Variants in ABI2 observed in about 807,000 individuals in gnomAD.
ABI2 encodes abl interactor 2.
Under a neutral mutation model 59.2 loss-of-function variants are expected in ABI2, and 25 were observed. That is an observed-to-expected ratio of 0.42 (90% confidence interval 0.31 to 0.59). The LOEUF (loss-of-function observed/expected upper bound fraction) is 0.59, where lower values mean the gene tolerates loss of function less well. Ranked by LOEUF, ABI2 falls within the 20% of genes least tolerant of loss-of-function variation. The pLI is 0.14. For synonymous variants in ABI2, 213 were observed against 235.5 expected, an observed-to-expected ratio of 0.90 and a Z score of 0.87; for missense variants, 545 against 681.8, an observed-to-expected ratio of 0.80 and a Z score of 2.23.
chr2:203,399,492 T>G (rs1243546108), intron 8 of ABI2, among the ~76,000 whole-genome samples: 1 of 152,134 alleles, frequency 6.6e-6, no homozygotes, highest in Non-Finnish European at 1.5e-5. Context: ...GTGATTCGTT[T>G]GCTTATTTTC....
chr2:203,395,629 A>T, intron 6 of ABI2, 27 bp from the exon 7 acceptor site: 2 of 1,597,734 alleles, frequency 1.3e-6, no homozygotes, highest in Non-Finnish European at 1.7e-6. Flanking sequence ...ATAAATACTC[A>T]TGTTTTGGTG....
At chr2:203,378,654 T>C (rs1294657954) in intron 2 of ABI2, among the ~76,000 whole-genome samples, 1 of 152,190 alleles carries the variant, frequency 6.6e-6, no homozygotes, top group African/African-American at 2.4e-5. Context: ...TATAATGTCA[T>C]GATGATTATC....
At chr2:203,419,032 T>C (rs968814741) in intron 11 of ABI2, among the ~76,000 whole-genome samples, 3 of 151,784 alleles carry the variant, frequency 2.0e-5, no homozygotes, top group East Asian at 3.9e-4. Flanking sequence ...TTGAGCAAAA[T>C]CTTCAAAGTA....
intron 1 of ABI2, 56 bp downstream of exon 1, chr2:203,328,687 G>C: frequency 7.7e-7 from 1 of 1,293,292 alleles, no homozygotes; most frequent in Non-Finnish European, 1.0e-6. Context: ...GGGGCCGCGC[G>C]CCTCGGGGCG....
rs1559289287 is a variant in ABI2 at position 203,384,300 on chromosome 2, T to TGTTTTTGTTTG, written c.480+2094_480+2095insGTTTTTGTTTG. Among the ~76,000 whole-genome samples, 14 of 102,456 alleles carry TGTTTTTGTTTG rather than the reference T, an allele frequency of 1.4e-4. 1 individual carries two copies. Among genetic ancestry groups the TGTTTTTGTTTG allele is most frequent in the African/African-American group, 5.1e-4 (14 of 27,690 alleles). 67.2% of individuals were successfully genotyped at this position (102,456 alleles called of 152,430 possible). A position where few individuals can be genotyped will look rare whatever the true frequency, so the allele number is the denominator to read the frequency against. On this transcript the variant is annotated intron_variant, in intron 4 of 11. Coordinates refer to ENST00000261018, the MANE Select transcript of ABI2 (RefSeq NM_001375670.1). ...CTTGTTTTTGTTTTTGTTTTTTTTT[T>TGTTTTTGTTTG]TTTTTTTTTTTTTTTTTTTTTTTTG...
intron 1 of ABI2, among the ~76,000 whole-genome samples, chr2:203,365,206 A>G (rs945395463): frequency 6.6e-6 from 1 of 152,114 alleles, no homozygotes; most frequent in Non-Finnish European, 1.5e-5. Context: ...TTGTGCTTGT[A>G]TTTACACACA....
In ABI2 at chr2:203,411,293, GCTC is replaced by G. The variant is rs768392252; in HGVS notation, c.1212_1214del (p.Pro405del). 1.2e-6 allele frequency: 2 copies of G among 1,613,008 alleles called. No individual in the cohort carries two copies. Among genetic ancestry groups the G allele is most frequent in the African/African-American group, 2.7e-5 (2 of 74,776 alleles). ...CTTTTTTGTTTTTGCAGTATCTCTT[GCTC>G]CTCCTCCTCCCTCCATCCTACAGGT... is the stretch of plus-strand genomic sequence containing the variant. On this transcript the variant is annotated inframe_deletion, in exon 10 of 12. Transcript: ENST00000261018.
At chr2:203,329,475 T>G (rs905982731) in intron 1 of ABI2, among the ~76,000 whole-genome samples, 4 of 151,462 alleles carry the variant, frequency 2.6e-5, no homozygotes, top group Non-Finnish European at 4.4e-5. Context: ...AAGCAAAATA[T>G]TCTGTGGATT....
intron 2 of ABI2, among the ~76,000 whole-genome samples, chr2:203,370,220 C>CTCTCTCTTTCTG (rs2095011405): frequency 1.4e-5 from 2 of 142,798 alleles, no homozygotes; most frequent in Admixed American, 1.4e-4. Flanking sequence ...CTCTCTCTCT[C>CTCTCTCTTTCTG]TCTCTCTTTC....
At chr2:203,400,943 T>G (rs540875954) in intron 8 of ABI2, among the ~76,000 whole-genome samples, 17 of 152,186 alleles carry the variant, frequency 1.1e-4, no homozygotes, top group Admixed American at 2.6e-4. Flanking sequence ...CATGAAGATT[T>G]CAACAAATCA....
intron 4 of ABI2, among the ~76,000 whole-genome samples, chr2:203,385,321 C>T (rs901349281): frequency 7.3e-5 from 11 of 150,852 alleles, no homozygotes; most frequent in South Asian, 2.1e-4. Flanking sequence ...TTAGTAGAGA[C>T]GGGGTTTCAC....
intron 1 of ABI2, among the ~76,000 whole-genome samples, chr2:203,340,392 C>T (rs968115013): frequency 6.0e-5 from 9 of 150,340 alleles, no homozygotes; most frequent in Middle Eastern, 3.4e-3. Context: ...TTTGAGACAG[C>T]GTCTTGTTCT....
chr2:203,403,460 A>T (rs907229225), intron 9 of ABI2: 1 of 154,514 alleles, frequency 6.5e-6, no homozygotes, highest in African/African-American at 2.4e-5. Flanking sequence ...TCCATTTTTG[A>T]TAAGCCTTGA....
At chr2:203,416,602 A>T (rs2097905517) in intron 10 of ABI2, among the ~76,000 whole-genome samples, 1 of 152,146 alleles carries the variant, frequency 6.6e-6, no homozygotes, top group African/African-American at 2.4e-5. Flanking sequence ...GGCCATACTG[A>T]TCTCTTTGGA....
intron 1 of ABI2, among the ~76,000 whole-genome samples, chr2:203,347,856 C>G (rs930538868): frequency 3.9e-5 from 6 of 152,138 alleles, no homozygotes; most frequent in African/African-American, 1.4e-4. Context: ...ATAGGATTAA[C>G]CTTTTGTAAT....
intron 1 of ABI2, among the ~76,000 whole-genome samples, chr2:203,338,938 A>G (rs867692724): frequency 0.47 from 3,742 of 7,990 alleles, 432 homozygotes; most frequent in African/African-American, 0.5. Flanking sequence ...GTATATGTAT[A>G]TATATATATA....
chr2:203,415,811 G>A (rs935581475), intron 10 of ABI2, among the ~76,000 whole-genome samples: 2 of 152,122 alleles, frequency 1.3e-5, no homozygotes, highest in African/African-American at 4.8e-5. Context: ...GTTCAGTTGT[G>A]CTCACGTATT....
chr2:203,344,813 A>G (rs367846844), intron 1 of ABI2, among the ~76,000 whole-genome samples: 4 of 152,164 alleles, frequency 2.6e-5, no homozygotes, highest in Non-Finnish European at 4.4e-5. Flanking sequence ...AAGGTTTGCA[A>G]GCGCACCAAT....
chr2:203,344,294 AG>A (rs1487681915), intron 1 of ABI2, among the ~76,000 whole-genome samples: 1 of 152,218 alleles, frequency 6.6e-6, no homozygotes, highest in Non-Finnish European at 1.5e-5. Context: ...CAACAATGCC[AG>A]TAATTGCTTT....
Sources: gnomAD v4.1 joint callset for allele counts (sites outside exome capture counted in the v4.1 genomes callset) on GRCh38, gnomAD v4.1.1 for gene constraint, MANE v1.5 for transcripts, NCBI Gene and HGNC (gene_info 2026-07-23, HGNC 2026-07-21) for gene names.